Variants in CCNY observed in about 807,000 individuals in gnomAD.
CCNY encodes cyclin-Y.
In CCNY, 19 loss-of-function variants were observed where a neutral mutation model predicts 42.8. The ratio of observed to expected loss-of-function variants is 0.44; its 90% CI spans 0.31 to 0.65. The LOEUF (loss-of-function observed/expected upper bound fraction) is 0.65, where lower values mean the gene tolerates loss of function less well. Ranked by LOEUF, CCNY falls within the 30% of genes least tolerant of loss-of-function variation. The probability of loss-of-function intolerance (pLI) is 0.07; values close to 1 mark genes in which losing one functional copy is unlikely to be tolerated. For missense variants in CCNY, 370 were observed against 437.3 expected, an observed-to-expected ratio of 0.85 and a Z score of 1.37; for synonymous variants, 165 against 162.7, an observed-to-expected ratio of 1.01 and a Z score of -0.11.
At chr10:35,479,130 A>G (rs1839594950) in intron 1 of CCNY, among the ~76,000 whole-genome samples, 1 of 151,698 alleles carries the variant, frequency 6.6e-6, no homozygotes, top group Admixed American at 6.6e-5. Flanking sequence ...GGATGTGGAG[A>G]AATAGGAACA....
rs904318305 is a variant in CCNY, at chr10:35,517,495, C to T, written c.365+872C>T. Among the ~76,000 whole-genome samples, 8 of 152,282 alleles carry T rather than the reference C, an allele frequency of 5.3e-5. No homozygotes were observed. In the East Asian group the frequency reaches 1.2e-3, roughly 22 times the overall value. On this transcript the variant is annotated intron_variant, in intron 4 of 9. Coordinates refer to ENST00000374704, the MANE Select transcript of CCNY (RefSeq NM_145012.6). Reference sequence around the variant, plus strand: ...GTTTAAATTTTAAATAAGGAGTATTCGTCCATTTCAGTGGGCCAGGTTTTC... The same window carrying T: ...GTTTAAATTTTAAATAAGGAGTATTTGTCCATTTCAGTGGGCCAGGTTTTC...
intron 1 of CCNY, among the ~76,000 whole-genome samples, chr10:35,465,301 T>C (rs917136940): frequency 6.6e-6 from 1 of 151,976 alleles, no homozygotes; most frequent in African/African-American, 2.4e-5. Flanking sequence ...GCCTTTGTGC[T>C]GGGGTCCGAG....
rs1413168283 is a variant in CCNY, at chr10:35,359,510, TTA to T, written c.154+22305_154+22306del. ...TCTTTATTTATTATTATTATTATTA[TTA>T]TTTTTTTTTGTAGAGGCAGGGTTTT... On this transcript the variant is annotated intron_variant, in intron 1 of 9. Transcript: ENST00000374704. Among the ~76,000 whole-genome samples, 236 of 151,696 alleles carry T rather than the reference TTA, an allele frequency of 1.6e-3. 2 individuals are homozygous for T. Among genetic ancestry groups the T allele is most frequent in the East Asian group, 0.011 (57 of 5,172 alleles).
At chr10:35,546,264 A>G (rs1472312920) in intron 7 of CCNY, among the ~76,000 whole-genome samples, 1 of 152,244 alleles carries the variant, frequency 6.6e-6, no homozygotes, top group African/African-American at 2.4e-5. Context: ...GAATAATTTC[A>G]GCATCATTGG....
chr10:35,373,606 C>T (rs1836986222), intron 1 of CCNY, among the ~76,000 whole-genome samples: 1 of 152,188 alleles, frequency 6.6e-6, no homozygotes, highest in South Asian at 2.1e-4. Context: ...CCTCTTCTTC[C>T]TCATCTTCCT....
At chr10:35,386,264 C>T (rs977604694) in intron 1 of CCNY, among the ~76,000 whole-genome samples, 1 of 152,156 alleles carries the variant, frequency 6.6e-6, no homozygotes, top group Non-Finnish European at 1.5e-5. Flanking sequence ...GTCCTTAGCT[C>T]CCTTTAACCT....
intron 1 of CCNY, among the ~76,000 whole-genome samples, chr10:35,430,803 A>T (rs182777237): frequency 3.2e-4 from 48 of 152,328 alleles, no homozygotes; most frequent in Admixed American, 2.9e-3. Flanking sequence ...TGTTACGTAT[A>T]TAGAATTTTT....
Position 35,395,183 on chromosome 10 carries a change from TAAG to T in CCNY, c.154+57980_154+57982del, listed in dbSNP as rs372389484. ...TCTCACTACCTGGGGTACTAACAGT[TAAG>T]AAGTTTTTACCAGAAAGTGATGGGT... On this transcript the variant is annotated intron_variant, in intron 1 of 9. Transcript: ENST00000374704. Among the ~76,000 whole-genome samples, 51 of 152,272 alleles carry T rather than the reference TAAG, an allele frequency of 3.3e-4. 1 individual carries two copies. The highest frequency in any genetic ancestry group is 1.2e-3 in the African/African-American group (51 of 41,530).
At chr10:35,267,430 TG>T (rs1447114967) in intron 3 of CCNY, among the ~76,000 whole-genome samples, 8 of 152,178 alleles carry the variant, frequency 5.3e-5, no homozygotes, top group African/African-American at 1.7e-4. Flanking sequence ...TCAAACACTC[TG>T]GGGCTGGCTC....
At position 35,285,222 on chromosome 10, in the gene CCNY, A is replaced by G. The variant is rs12258978; in HGVS notation, c.-9+34596A>G. Among the ~76,000 whole-genome samples the G allele has an allele frequency of 7.2e-3, 1,102 of 152,014 alleles. 15 individuals carry two copies. Among genetic ancestry groups the G allele is most frequent in the African/African-American group, 0.026 (1,061 of 41,466 alleles). On this transcript the variant is annotated intron_variant, in intron 3 of 11. Coordinates refer to the CCNY transcript ENST00000374706. Reference sequence around the variant, plus strand: ...GTAATTTTTTGTATTTTTTGTAGAGAGAGGGTTTTGCCATGTTGGCCAGGC... The same window carrying G: ...GTAATTTTTTGTATTTTTTGTAGAGGGAGGGTTTTGCCATGTTGGCCAGGC...
rs1835196299 is a variant in CCNY, at chr10:35,273,367, CA to C, written c.-9+22742del. Among the ~76,000 whole-genome samples, 4 of 151,770 alleles carry C rather than the reference CA, an allele frequency of 2.6e-5. No individual in the cohort carries two copies. In the South Asian group the frequency reaches 8.3e-4, roughly 32 times the overall value. ...CAGGCGTGCACCACCATGCCCGGCTCATTTTTTTTGTATTTTTAGTAGAGAT... is the reference window on the plus strand; with the variant it reads ...CAGGCGTGCACCACCATGCCCGGCTCTTTTTTTTGTATTTTTAGTAGAGAT... On this transcript the variant is annotated intron_variant, in intron 3 of 11. Coordinates refer to the CCNY transcript ENST00000374706.
intron 3 of CCNY, among the ~76,000 whole-genome samples, chr10:35,272,473 A>G (rs533284893): frequency 4.6e-5 from 7 of 152,128 alleles, no homozygotes; most frequent in South Asian, 4.1e-4. Flanking sequence ...CTTTGTGTCC[A>G]TGTGTTCTCA....
intron 4 of CCNY, among the ~76,000 whole-genome samples, chr10:35,521,928 G>A (rs969209116): frequency 3.3e-5 from 5 of 152,096 alleles, no homozygotes; most frequent in African/African-American, 1.2e-4. Context: ...CAAAAACAAG[G>A]GAACCTGAAA....
At chr10:35,297,270 A>G (rs1023672773) in intron 3 of CCNY, among the ~76,000 whole-genome samples, 1 of 152,240 alleles carries the variant, frequency 6.6e-6, no homozygotes, top group Non-Finnish European at 1.5e-5. Context: ...AATGATCTCA[A>G]TAGATGCAGA....
rs146167342 is a variant in CCNY at position 35,353,537 on chromosome 10, A to T, written c.154+16330A>T. Among the ~76,000 whole-genome samples the T allele has an allele frequency of 7.7e-3, 1,175 of 152,310 alleles. 11 individuals carry two copies. Among genetic ancestry groups the T allele is most frequent in the Non-Finnish European group, 0.012 (832 of 68,022 alleles). On this transcript the variant is annotated intron_variant, in intron 1 of 9. Coordinates refer to ENST00000374704, the MANE Select transcript of CCNY (RefSeq NM_145012.6). ...GGCTGTTCAGAGCATCAAGGACCTC[A>T]TACTGTAGGAGATCCTCATGTTACA...
intron 1 of CCNY, among the ~76,000 whole-genome samples, chr10:35,373,110 A>G (rs1183274603): frequency 1.3e-5 from 2 of 152,356 alleles, no homozygotes; most frequent in Admixed American, 6.5e-5. Flanking sequence ...AGAAAACTTA[A>G]TGAAGTATCA....
At chr10:35,493,272 G>A (rs1000916223) in intron 2 of CCNY, among the ~76,000 whole-genome samples, 2 of 152,178 alleles carry the variant, frequency 1.3e-5, no homozygotes, top group South Asian at 4.1e-4. Flanking sequence ...CACAGATCCA[G>A]AATAGAGGTT....
chr10:35,486,911 T>G (rs911661728), intron 2 of CCNY, among the ~76,000 whole-genome samples: 1 of 152,166 alleles, frequency 6.6e-6, no homozygotes, highest in Non-Finnish European at 1.5e-5. Context: ...TCAGCCTGGG[T>G]TGAGTGGGGC....
intron 1 of CCNY, among the ~76,000 whole-genome samples, chr10:35,400,006 C>T (rs1450567231): frequency 6.6e-6 from 1 of 151,986 alleles, no homozygotes; most frequent in Non-Finnish European, 1.5e-5. Context: ...CATGGGGACT[C>T]AGAAAATATG....
Sources: gnomAD v4.1 joint callset for allele counts (sites outside exome capture counted in the v4.1 genomes callset) on GRCh38, gnomAD v4.1.1 for gene constraint, MANE v1.5 for transcripts, NCBI Gene and HGNC (gene_info 2026-07-23, HGNC 2026-07-21) for gene names.